PTPRR: variants seen among roughly 807,000 people sequenced by gnomAD.
PTPRR encodes the protein receptor-type tyrosine-protein phosphatase R.
In PTPRR, 38 loss-of-function variants were observed where a neutral mutation model predicts 77.2. That is an observed-to-expected ratio of 0.49 (90% CI 0.38 to 0.65). The LOEUF (loss-of-function observed/expected upper bound fraction) is 0.65, where lower values mean the gene tolerates loss of function less well. PTPRR is among the 30% of genes least tolerant of loss of function. PTPRR has a pLI of 0.00. For synonymous variants in PTPRR, 299 were observed against 283.1 expected, an observed-to-expected ratio of 1.06 and a Z score of -0.57; for missense variants, 744 against 799.2, an observed-to-expected ratio of 0.93 and a Z score of 0.83.
chr12:70,772,313 T>C (rs1167514763), intron 2 of PTPRR, among the ~76,000 whole-genome samples: 1 of 152,138 alleles, frequency 6.6e-6, no homozygotes, highest in Admixed American at 6.6e-5. Context: ...CGAGATTGGT[T>C]TACATGTGCA....
chr12:70,643,577 G>A (rs1011295526), intron 13 of PTPRR, among the ~76,000 whole-genome samples: 1 of 152,072 alleles, frequency 6.6e-6, no homozygotes, highest in Non-Finnish European at 1.5e-5. Context: ...AATGTATAAA[G>A]CTTGGTTAAC....
chr12:70,641,720 T>C (rs2136637032), intron 13 of PTPRR, among the ~76,000 whole-genome samples: 1 of 152,330 alleles, frequency 6.6e-6, no homozygotes, highest in East Asian at 1.9e-4. Context: ...ACAATATAGC[T>C]TTTTTAGAAA....
At chr12:70,656,396 C>T (rs751422525) in intron 13 of PTPRR, among the ~76,000 whole-genome samples, 1 of 151,866 alleles carries the variant, frequency 6.6e-6, no homozygotes, top group Non-Finnish European at 1.5e-5. Flanking sequence ...CCAGGCATGG[C>T]GCACACCTGT....
At chr12:70,780,726 C>T (rs911008850) in intron 2 of PTPRR, among the ~76,000 whole-genome samples, 7 of 152,088 alleles carry the variant, frequency 4.6e-5, no homozygotes, top group African/African-American at 1.7e-4. Flanking sequence ...ATGCTTTATT[C>T]CCCAGCCCTG....
intron 2 of PTPRR, among the ~76,000 whole-genome samples, chr12:70,829,249 GAAAT>G (rs71895366): frequency 0.14 from 20,284 of 149,086 alleles, 1,688 homozygotes; most frequent in African/African-American, 0.24. Flanking sequence ...GAAGGAAAGA[GAAAT>G]AAATAAATAA....
chr12:70,801,780 T>C (rs1470124492), intron 2 of PTPRR, among the ~76,000 whole-genome samples: 1 of 151,802 alleles, frequency 6.6e-6, no homozygotes, highest in Admixed American at 6.6e-5. Context: ...TCTATCTCCC[T>C]CCCTCCCTCT....
intron 13 of PTPRR, among the ~76,000 whole-genome samples, chr12:70,648,401 C>A (rs958338278): frequency 6.6e-6 from 1 of 152,144 alleles, no homozygotes; most frequent in Non-Finnish European, 1.5e-5. Context: ...CACTGAATTC[C>A]AGCATGGAAA....
intron 2 of PTPRR, among the ~76,000 whole-genome samples, chr12:70,793,070 G>C (rs1025697685): frequency 1.3e-5 from 2 of 152,166 alleles, no homozygotes; most frequent in Middle Eastern, 3.2e-3. Flanking sequence ...AGACAATGTT[G>C]AATGTGAAGC....
chr12:70,764,574 T>C, intron 3 of PTPRR, 91 bp downstream of exon 3: 1 of 1,043,714 alleles, frequency 9.6e-7, no homozygotes, highest in East Asian at 2.4e-5. Context: ...TTTGGCTCAT[T>C]AGCCATACAA....
chr12:70,821,145 C>G (rs957586202), intron 2 of PTPRR, among the ~76,000 whole-genome samples: 2 of 147,664 alleles, frequency 1.4e-5, no homozygotes, highest in Admixed American at 1.4e-4. Flanking sequence ...AGGAGATGTG[C>G]TTCTTTCAAG....
chr12:70,730,148 T>C (rs1889600855), intron 6 of PTPRR, among the ~76,000 whole-genome samples: 1 of 152,174 alleles, frequency 6.6e-6, no homozygotes, highest in Non-Finnish European at 1.5e-5. Context: ...CACCCAAGCC[T>C]CGATTTTTAC....
chr12:70,861,018 T>C (rs2137078704), intron 2 of PTPRR, among the ~76,000 whole-genome samples: 1 of 152,302 alleles, frequency 6.6e-6, no homozygotes, highest in Non-Finnish European at 1.5e-5. Flanking sequence ...TCCATTGGAA[T>C]AAAAGCAGGG....
intron 8 of PTPRR, among the ~76,000 whole-genome samples, chr12:70,685,662 G>GAAACAAAACA (rs147345897): frequency 6.6e-6 from 1 of 151,452 alleles, no homozygotes; most frequent in East Asian, 1.9e-4. Context: ...AAACAAAAAC[G>GAAACAAAACA]AAACAAAACA....
In PTPRR at chr12:70,763,341, C is replaced by T. The variant is rs555609593; in HGVS notation, c.471+1324G>A. On this transcript the variant is annotated intron_variant, in intron 3 of 13. Transcript: ENST00000283228. ...AGAGATGGGGTTTTACCATGTTGGC[C>T]AGGCTGGTCTCAAACTCCTGACCTC... is the stretch of plus-strand genomic sequence containing the variant. Among the ~76,000 whole-genome samples, 11 of 152,152 alleles carry T rather than the reference C, an allele frequency of 7.2e-5. No individual in the cohort carries two copies. In the South Asian group the frequency reaches 2.1e-3, roughly 29 times the overall value.
intron 5 of PTPRR, among the ~76,000 whole-genome samples, chr12:70,749,391 AT>A (rs1024667201): frequency 3.3e-5 from 5 of 152,224 alleles, no homozygotes; most frequent in African/African-American, 1.2e-4. Flanking sequence ...CATGTTAGGC[AT>A]TTAGCACTAC....
intron 2 of PTPRR, among the ~76,000 whole-genome samples, chr12:70,798,249 A>G (rs1891550573): frequency 6.6e-6 from 1 of 152,172 alleles, no homozygotes; most frequent in Admixed American, 6.5e-5. Context: ...TTCTGCTTCC[A>G]AATATACAAT....
intron 2 of PTPRR, among the ~76,000 whole-genome samples, chr12:70,866,363 C>G (rs1290574425): frequency 6.6e-6 from 1 of 151,888 alleles, no homozygotes; most frequent in Non-Finnish European, 1.5e-5. Flanking sequence ...ACCACCGATC[C>G]CACAGAAATA....
intron 2 of PTPRR, among the ~76,000 whole-genome samples, chr12:70,859,607 T>C (rs1253477150): frequency 1.2e-4 from 18 of 152,134 alleles, no homozygotes. Flanking sequence ...AAAGGAAATA[T>C]ACAGATCTAG....
intron 7 of PTPRR, among the ~76,000 whole-genome samples, chr12:70,700,536 T>A (rs1888384642): frequency 1.3e-5 from 2 of 152,162 alleles, no homozygotes; most frequent in South Asian, 4.1e-4. Flanking sequence ...ACTTTTCCAT[T>A]ACTTTTGGCT....
Sources: allele counts gnomAD v4.1 joint callset (sites outside exome capture counted in the v4.1 genomes callset), GRCh38; gene constraint gnomAD v4.1.1; transcripts MANE v1.5; gene names NCBI Gene and HGNC (gene_info 2026-07-23, HGNC 2026-07-21).